The following OPCML variants were observed in gnomAD, a reference collection of about 807,000 sequenced individuals.
OPCML encodes the protein opioid binding protein/cell adhesion molecule like.
Under a neutral mutation model 37.8 loss-of-function variants are expected in OPCML, and 13 were observed. The ratio of observed to expected loss-of-function variants is 0.34; its 90% CI spans 0.22 to 0.55. The LOEUF is 0.55. Ranked by LOEUF, OPCML falls within the 20% of genes least tolerant of loss-of-function variation. The pLI is 0.91. For synonymous variants in OPCML, 176 were observed against 168.8 expected, an observed-to-expected ratio of 1.04 and a Z score of -0.33; for missense variants, 341 against 435.6, an observed-to-expected ratio of 0.78 and a Z score of 1.93.
intron 1 of OPCML, among the ~76,000 whole-genome samples, chr11:133,424,761 C>T (rs1476103504): frequency 6.6e-6 from 1 of 152,134 alleles, no homozygotes; most frequent in Non-Finnish European, 1.5e-5. Context: ...ATTTTGAGGT[C>T]TTTAATACAT....
intron 2 of OPCML, among the ~76,000 whole-genome samples, chr11:132,776,077 G>A (rs11825300): frequency 0.09 from 13,647 of 152,088 alleles, 689 homozygotes; most frequent in African/African-American, 0.11. Context: ...CTACAGGCAT[G>A]CCTCACCATG....
chr11:133,442,419 C>G (rs1946381963), intron 1 of OPCML, among the ~76,000 whole-genome samples: 1 of 151,874 alleles, frequency 6.6e-6, no homozygotes. Flanking sequence ...ACTACTTGAC[C>G]CAAGAATTCC....
At chr11:133,145,506 G>C (rs1325558844) in intron 1 of OPCML, among the ~76,000 whole-genome samples, 1 of 152,200 alleles carries the variant, frequency 6.6e-6, no homozygotes, top group Non-Finnish European at 1.5e-5. Flanking sequence ...AGGAAACCTG[G>C]AAAGTTTGAT....
At chr11:133,472,412 C>T (rs981249404) in intron 1 of OPCML, among the ~76,000 whole-genome samples, 1 of 152,088 alleles carries the variant, frequency 6.6e-6, no homozygotes, top group Non-Finnish European at 1.5e-5. Context: ...ATTTAGGGAG[C>T]AGCGTTTCAG....
chr11:132,737,330 G>C (rs2136027539), intron 2 of OPCML, among the ~76,000 whole-genome samples: 1 of 152,172 alleles, frequency 6.6e-6, no homozygotes, highest in East Asian at 1.9e-4. Flanking sequence ...CAGAGTTTTT[G>C]TTGTTTTACA....
chr11:133,201,531 G>C (rs751664607), intron 1 of OPCML, among the ~76,000 whole-genome samples: 7 of 152,096 alleles, frequency 4.6e-5, no homozygotes, highest in Non-Finnish European at 1.0e-4. Flanking sequence ...TTTATCATAA[G>C]TAAGTAGGTA....
chr11:133,064,846 C>T (rs892089258), intron 1 of OPCML: 2 of 152,250 alleles, frequency 1.3e-5, no homozygotes, highest in African/African-American at 4.8e-5. Flanking sequence ...AACGATACAA[C>T]ATTGAACAAT....
intron 4 of OPCML, among the ~76,000 whole-genome samples, chr11:132,457,236 C>T (rs186208145): frequency 1.3e-5 from 2 of 152,240 alleles, no homozygotes; most frequent in East Asian, 1.9e-4. Context: ...ATGAGGCTGA[C>T]GAATTGAGCA....
intron 3 of OPCML, among the ~76,000 whole-genome samples, chr11:132,642,261 C>T (rs935367698): frequency 1.3e-5 from 2 of 152,064 alleles, no homozygotes; most frequent in Admixed American, 6.6e-5. Context: ...AAGTTATCTG[C>T]TTCATCTCTT....
At chr11:132,967,815 G>A (rs754659460) in intron 1 of OPCML, among the ~76,000 whole-genome samples, 3 of 152,058 alleles carry the variant, frequency 2.0e-5, no homozygotes, top group Non-Finnish European at 4.4e-5. Flanking sequence ...TTCTTGTAAG[G>A]TGGTCTGCAA....
chr11:133,520,021 T>C (rs977402169), intron 1 of OPCML, among the ~76,000 whole-genome samples: 1 of 152,072 alleles, frequency 6.6e-6, no homozygotes, highest in Non-Finnish European at 1.5e-5. Context: ...CCTTTATGAA[T>C]ATTAAGACAT....
intron 4 of OPCML, among the ~76,000 whole-genome samples, chr11:132,513,421 T>C (rs2096273196): frequency 6.6e-6 from 1 of 152,166 alleles, no homozygotes. Context: ...TTGCTTACAT[T>C]AATTTTTGTT....
chr11:133,294,632 C>A (rs74758884), intron 1 of OPCML, among the ~76,000 whole-genome samples: 8,465 of 152,000 alleles, frequency 0.056, 331 homozygotes, highest in Non-Finnish European at 0.079. Context: ...CCATTTGAAA[C>A]AACCCACCAC....
At chr11:132,708,326 A>G (rs1180064406) in intron 2 of OPCML, among the ~76,000 whole-genome samples, 1 of 152,142 alleles carries the variant, frequency 6.6e-6, no homozygotes, top group Non-Finnish European at 1.5e-5. Context: ...TTTTTTCCCA[A>G]CATACATACA....
intron 2 of OPCML, among the ~76,000 whole-genome samples, chr11:132,932,693 A>AT (rs1945249410): frequency 1.6e-5 from 1 of 63,640 alleles, no homozygotes; most frequent in South Asian, 7.0e-4. Flanking sequence ...TATATATATT[A>AT]TATATATATA....
rs954415716 is a variant in OPCML at position 132,791,643 on chromosome 11, A to G, written c.147-134324T>C. On this transcript the variant is annotated intron_variant, in intron 2 of 7. Coordinates refer to ENST00000524381, the MANE Select transcript of OPCML (RefSeq NM_001012393.5). ...GCTAAAACCCTGCCTCAAAGTGAAC[A>G]TGGAGTATATGTTCCATATATGCTT... is the stretch of plus-strand genomic sequence containing the variant. 6.6e-5 allele frequency among the ~76,000 whole-genome samples: 10 copies of G among 152,282 alleles called. 2 individuals carry two copies. The South Asian group carries it at 2.1e-3, about 32-fold the overall frequency.
At chr11:132,931,127 G>T (rs1034670304) in intron 2 of OPCML, among the ~76,000 whole-genome samples, 1 of 151,426 alleles carries the variant, frequency 6.6e-6, no homozygotes, top group South Asian at 2.1e-4. Context: ...AAAGAATGAA[G>T]TTGGACTCAT....
At chr11:133,002,595 A>G (rs949547196) in intron 1 of OPCML, among the ~76,000 whole-genome samples, 1 of 152,222 alleles carries the variant, frequency 6.6e-6, no homozygotes, top group Non-Finnish European at 1.5e-5. Flanking sequence ...TGATGGATAT[A>G]AAAGTTCTCA....
At chr11:132,479,982 G>A (rs998028207) in intron 4 of OPCML, among the ~76,000 whole-genome samples, 4 of 152,316 alleles carry the variant, frequency 2.6e-5, no homozygotes, top group Middle Eastern at 3.4e-3. Flanking sequence ...CCAAAGGAAC[G>A]CAGTCCCTCA....
Sources: allele counts gnomAD v4.1 joint callset (sites outside exome capture counted in the v4.1 genomes callset), GRCh38; gene constraint gnomAD v4.1.1; transcripts MANE v1.5; gene names NCBI Gene and HGNC (gene_info 2026-07-23, HGNC 2026-07-21).